Variants in RTN1 observed in about 807,000 individuals in gnomAD.
The protein encoded by RTN1 is reticulon-1.
RTN1 carries 25 observed loss-of-function variants against 65.5 expected under a neutral mutation model. The ratio of observed to expected loss-of-function variants is 0.38; its 90% CI spans 0.28 to 0.53. RTN1 has a LOEUF of 0.53. RTN1 is among the 20% of genes least tolerant of loss of function. RTN1 has a pLI of 0.79. For missense variants in RTN1, 983 were observed against 1,025.4 expected, an observed-to-expected ratio of 0.96 and a Z score of 0.57; for synonymous variants, 471 against 447.6, an observed-to-expected ratio of 1.05 and a Z score of -0.66.
At chr14:59,748,550 C>T (rs978888127) in intron 1 of RTN1, among the ~76,000 whole-genome samples, 17 of 152,014 alleles carry the variant, frequency 1.1e-4, no homozygotes, top group Admixed American at 9.2e-4. Flanking sequence ...CAATCCTATT[C>T]GCTACCCTTC....
chr14:59,602,892 T>C (rs1213960807), intron 8 of RTN1, among the ~76,000 whole-genome samples, 173 bp downstream of exon 8: 1 of 152,196 alleles, frequency 6.6e-6, no homozygotes, highest in East Asian at 1.9e-4. Context: ...TAAAAACTTA[T>C]GCTTATTTTC....
chr14:59,822,643 C>A (rs573938151), intron 1 of RTN1, among the ~76,000 whole-genome samples: 7 of 152,232 alleles, frequency 4.6e-5, no homozygotes, highest in African/African-American at 1.7e-4. Flanking sequence ...TTGATGTAGG[C>A]ATTTAGTGCT....
intron 1 of RTN1, among the ~76,000 whole-genome samples, chr14:59,831,107 T>C (rs1887116986): frequency 6.6e-6 from 1 of 152,220 alleles, no homozygotes; most frequent in Admixed American, 6.5e-5. Context: ...ATTCTCTTCA[T>C]CTACACTTGA....
chr14:59,627,530 G>T (rs913131510), intron 3 of RTN1, among the ~76,000 whole-genome samples: 2 of 152,228 alleles, frequency 1.3e-5, no homozygotes, highest in Non-Finnish European at 2.9e-5. Flanking sequence ...ATCTATACAG[G>T]TGTTTTGCTA....
At chr14:59,773,483 A>T (rs1885995588) in intron 1 of RTN1, among the ~76,000 whole-genome samples, 1 of 152,182 alleles carries the variant, frequency 6.6e-6, no homozygotes, top group African/African-American at 2.4e-5. Flanking sequence ...CAAAAAAGAC[A>T]GAACTTATTT....
At chr14:59,696,468 CTT>C (rs60305720) in intron 3 of RTN1, among the ~76,000 whole-genome samples, 1,614 of 146,090 alleles carry the variant, frequency 0.011, 21 homozygotes, top group Middle Eastern at 0.043. Flanking sequence ...ATTTTAATTA[CTT>C]TTTTTTTTTT....
At chr14:59,807,381 T>C (rs1406017725) in intron 1 of RTN1, among the ~76,000 whole-genome samples, 1 of 152,210 alleles carries the variant, frequency 6.6e-6, no homozygotes, top group Non-Finnish European at 1.5e-5. Flanking sequence ...GTAAAGGAAC[T>C]GCAGAGGAAA....
At chr14:59,660,473 T>G (rs1883220570) in intron 3 of RTN1, among the ~76,000 whole-genome samples, 1 of 152,126 alleles carries the variant, frequency 6.6e-6, no homozygotes, top group Admixed American at 6.5e-5. Context: ...ATTCTAAAAT[T>G]GACCATGTAA....
intron 1 of RTN1, among the ~76,000 whole-genome samples, chr14:59,818,499 T>C (rs1455957157): frequency 6.6e-6 from 1 of 152,260 alleles, no homozygotes; most frequent in African/African-American, 2.4e-5. Context: ...TTAATATTTA[T>C]TTCAATATTA....
At chr14:59,798,701 T>G (rs2139597972) in intron 1 of RTN1, among the ~76,000 whole-genome samples, 1 of 152,172 alleles carries the variant, frequency 6.6e-6, no homozygotes, top group South Asian at 2.1e-4. Flanking sequence ...ATCTCAACAT[T>G]TTAATATTCT....
chr14:59,729,033 T>C (rs1473602675), intron 2 of RTN1, among the ~76,000 whole-genome samples: 3 of 152,168 alleles, frequency 2.0e-5, no homozygotes, highest in African/African-American at 4.8e-5. Flanking sequence ...AGGGTGGAGA[T>C]GAGTTTGCAA....
At chr14:59,820,925 G>C (rs1886933224) in intron 1 of RTN1, among the ~76,000 whole-genome samples, 1 of 152,310 alleles carries the variant, frequency 6.6e-6, no homozygotes, top group Admixed American at 6.5e-5. Flanking sequence ...TTGTAGTAGA[G>C]ATTGAAGTTG....
At chr14:59,699,348 C>A (rs1218668470) in intron 3 of RTN1, among the ~76,000 whole-genome samples, 2 of 152,040 alleles carry the variant, frequency 1.3e-5, no homozygotes, top group East Asian at 3.9e-4. Context: ...ATTTATGAGT[C>A]AAACTAGAAT....
intron 1 of RTN1, among the ~76,000 whole-genome samples, chr14:59,789,993 T>C (rs1340855286): frequency 6.6e-6 from 1 of 152,138 alleles, no homozygotes; most frequent in Non-Finnish European, 1.5e-5. Flanking sequence ...TATATAAACT[T>C]ACGGCTATCG....
chr14:59,613,142 C>A (rs1882005611), intron 3 of RTN1, among the ~76,000 whole-genome samples: 1 of 152,068 alleles, frequency 6.6e-6, no homozygotes, highest in South Asian at 2.1e-4. Flanking sequence ...TTTGAAGCAC[C>A]TAGGAGGTTA....
rs555437650 is a variant in RTN1 at position 59,767,065 on chromosome 14, G to C, written c.242-20584C>G. Among the ~76,000 whole-genome samples, 75 of 152,160 alleles carry C rather than the reference G, an allele frequency of 4.9e-4. 1 individual carries two copies. Among genetic ancestry groups the C allele is most frequent in the Non-Finnish European group, 1.0e-3 (70 of 68,036 alleles). ...AAAAAAACATAATTATGCAGGCATA[G>C]CAGAGCCTGCTAAATTGTCCCCCAG... On this transcript the variant is annotated intron_variant, in intron 1 of 8. Transcript: ENST00000267484.
intron 1 of RTN1, among the ~76,000 whole-genome samples, chr14:59,772,128 T>C (rs777189736): frequency 1.1e-4 from 17 of 152,174 alleles, no homozygotes; most frequent in Non-Finnish European, 1.9e-4. Context: ...GACTGAAAAA[T>C]AAAGTTTTTA....
chr14:59,826,933 G>T (rs1262881013), intron 1 of RTN1, among the ~76,000 whole-genome samples: 1 of 152,166 alleles, frequency 6.6e-6, no homozygotes, highest in Non-Finnish European at 1.5e-5. Flanking sequence ...GAGATGGAAG[G>T]TGGGAGCAGA....
intron 1 of RTN1, among the ~76,000 whole-genome samples, chr14:59,834,184 C>A (rs1041256298): frequency 6.6e-6 from 1 of 152,034 alleles, no homozygotes. Context: ...GAACTTATAA[C>A]CATATCACAC....
Sources: gnomAD v4.1 joint callset for allele counts (sites outside exome capture counted in the v4.1 genomes callset) on GRCh38, gnomAD v4.1.1 for gene constraint, MANE v1.5 for transcripts, NCBI Gene and HGNC (gene_info 2026-07-23, HGNC 2026-07-21) for gene names.